ENOX1: variants seen among roughly 807,000 people sequenced by gnomAD.
ENOX1 encodes the protein candidate growth-related and time keeping constitutive hydroquinone (NADH) oxidase.
In ENOX1, 42 loss-of-function variants were observed where a neutral mutation model predicts 82.5. The observed-to-expected ratio is 0.51, with a 90% CI of 0.40 to 0.66. The LOEUF is 0.66. Among genes scored for constraint, ENOX1 ranks in the 30% least tolerant of loss-of-function variants. ENOX1 has a pLI of 0.00. For synonymous variants in ENOX1, 271 were observed against 282.2 expected, an observed-to-expected ratio of 0.96 and a Z score of 0.40; for missense variants, 608 against 811.6, an observed-to-expected ratio of 0.75 and a Z score of 3.05.
chr13:43,240,020 C>G (rs1042951725), intron 14 of ENOX1, among the ~76,000 whole-genome samples: 1 of 152,142 alleles, frequency 6.6e-6, no homozygotes, highest in Non-Finnish European at 1.5e-5. Context: ...TGTACCCTCT[C>G]TCTTTGTTTT....
chr13:43,552,846 T>C (rs1012032466), intron 2 of ENOX1, among the ~76,000 whole-genome samples: 1 of 152,234 alleles, frequency 6.6e-6, no homozygotes, highest in Non-Finnish European at 1.5e-5. Context: ...GCAAATAGCA[T>C]ATCATTTTCT....
intron 1 of ENOX1, among the ~76,000 whole-genome samples, chr13:43,714,358 T>C (rs1157163166): frequency 6.6e-6 from 1 of 152,168 alleles, no homozygotes; most frequent in Non-Finnish European, 1.5e-5. Context: ...TTGGAATAGA[T>C]GTGGTGTGGT....
At chr13:43,719,106 C>T (rs2088368059) in intron 1 of ENOX1, among the ~76,000 whole-genome samples, 1 of 152,094 alleles carries the variant, frequency 6.6e-6, no homozygotes, top group African/African-American at 2.4e-5. Flanking sequence ...AGATGTAAGA[C>T]AATCAGCATT....
intron 5 of ENOX1, among the ~76,000 whole-genome samples, chr13:43,368,888 A>G (rs1022751460): frequency 6.6e-6 from 1 of 152,244 alleles, no homozygotes. Flanking sequence ...AAAGTTACAC[A>G]GCTAGTTAAG....
Position 43,718,890 on chromosome 13 carries a change from T to C in ENOX1, c.-284-51346A>G, listed in dbSNP as rs546959518. ...ACACATTTATAGTTTTAAAAAAGAA[T>C]GCACAAGATCTCTATGGAGAAACTT... On this transcript the variant is annotated intron_variant, in intron 1 of 16. Transcript: ENST00000690772. 1.6e-4 allele frequency among the ~76,000 whole-genome samples: 25 copies of C among 152,242 alleles called. No homozygotes were observed. In the South Asian group the frequency reaches 5.2e-3, roughly 32 times the overall value.
chr13:43,689,208 A>G (rs1275640896), intron 1 of ENOX1, among the ~76,000 whole-genome samples: 1 of 151,786 alleles, frequency 6.6e-6, no homozygotes, highest in East Asian at 2.0e-4. Flanking sequence ...GTGAACAGCT[A>G]CCAGGATCTA....
intron 1 of ENOX1, among the ~76,000 whole-genome samples, chr13:43,782,215 A>C (rs1316460737): frequency 3.9e-5 from 6 of 152,372 alleles, no homozygotes; most frequent in Non-Finnish European, 8.8e-5. Context: ...AGTTAATTAA[A>C]TCTCAAGATT....
chr13:43,239,671 T>A (rs2042720489), intron 14 of ENOX1, among the ~76,000 whole-genome samples: 1 of 152,226 alleles, frequency 6.6e-6, no homozygotes, highest in Non-Finnish European at 1.5e-5. Context: ...AAGCTCAGGC[T>A]CTTGCTGACA....
intron 11 of ENOX1, among the ~76,000 whole-genome samples, chr13:43,306,695 G>A (rs1257658837): frequency 6.6e-6 from 1 of 152,144 alleles, no homozygotes; most frequent in East Asian, 1.9e-4. Context: ...CAGTATAAAA[G>A]CAGTGATCTC....
At chr13:43,572,909 T>C (rs547016976) in intron 2 of ENOX1, among the ~76,000 whole-genome samples, 2 of 152,260 alleles carry the variant, frequency 1.3e-5, no homozygotes, top group African/African-American at 2.4e-5. Context: ...GCATAAGACA[T>C]GGAATTTAAA....
rs187642972 is a variant in ENOX1, at chr13:43,601,143, C to A, written c.-219+66336G>T. Among the ~76,000 whole-genome samples the A allele has an allele frequency of 1.3e-4, 20 of 152,150 alleles. 1 individual carries two copies. The highest frequency in any genetic ancestry group is 1.3e-3 in the Admixed American group (20 of 15,286). On this transcript the variant is annotated intron_variant, in intron 2 of 16. Transcript: ENST00000690772. ...ACAAGACTGGACGAATACCCACAAG[C>A]ATTAAGACCATCCAGAAAAACATGA... is the stretch of plus-strand genomic sequence containing the variant.
intron 3 of ENOX1, among the ~76,000 whole-genome samples, chr13:43,431,859 G>A (rs997256275): frequency 2.0e-5 from 3 of 152,102 alleles, no homozygotes; most frequent in East Asian, 1.9e-4. Flanking sequence ...GAGCACACAC[G>A]TCATAGGCAA....
At chr13:43,548,372 C>T (rs772418788) in intron 2 of ENOX1, among the ~76,000 whole-genome samples, 11 of 152,206 alleles carry the variant, frequency 7.2e-5, no homozygotes, top group Non-Finnish European at 1.2e-4. Flanking sequence ...TGTACTGGCA[C>T]ACTTAATGGA....
intron 2 of ENOX1, among the ~76,000 whole-genome samples, chr13:43,632,504 G>C (rs2083259909): frequency 6.6e-6 from 1 of 151,504 alleles, no homozygotes; most frequent in African/African-American, 2.4e-5. Context: ...GGAGTGCAGT[G>C]GTGTGATCTC....
intron 2 of ENOX1, among the ~76,000 whole-genome samples, chr13:43,519,443 C>T (rs190270692): frequency 6.6e-5 from 10 of 152,254 alleles, no homozygotes; most frequent in East Asian, 1.9e-4. Context: ...GCCTGGTTGG[C>T]GACTGCTTTG....
At chr13:43,511,080 T>C (rs896522281) in intron 2 of ENOX1, among the ~76,000 whole-genome samples, 2 of 152,164 alleles carry the variant, frequency 1.3e-5, no homozygotes, top group African/African-American at 2.4e-5. Context: ...ACATATTTAG[T>C]TCCTTAAAGA....
chr13:43,772,386 T>G (rs1484443170), intron 1 of ENOX1, among the ~76,000 whole-genome samples: 1 of 152,164 alleles, frequency 6.6e-6, no homozygotes, highest in African/African-American at 2.4e-5. Flanking sequence ...ATTACAAGCA[T>G]GCACTAGGTT....
intron 1 of ENOX1, among the ~76,000 whole-genome samples, chr13:43,681,591 T>C (rs299356): frequency 0.9 from 136,471 of 151,256 alleles, 61,902 homozygotes; most frequent in East Asian, 1. Context: ...AGCCTGAAAT[T>C]AGATTTCTCT....
At chr13:43,486,768 C>T (rs2076436693) in intron 2 of ENOX1, among the ~76,000 whole-genome samples, 2 of 152,198 alleles carry the variant, frequency 1.3e-5, no homozygotes, top group Non-Finnish European at 1.5e-5. Flanking sequence ...ATAACTTAGC[C>T]TCCTTATCTG....
Sources: allele counts gnomAD v4.1 joint callset (sites outside exome capture counted in the v4.1 genomes callset), GRCh38; gene constraint gnomAD v4.1.1; transcripts MANE v1.5; gene names NCBI Gene and HGNC (gene_info 2026-07-23, HGNC 2026-07-21).